BAZ2B: variants seen among roughly 807,000 people sequenced by gnomAD.
BAZ2B encodes bromodomain adjacent to zinc finger domain 2B.
BAZ2B carries 91 observed loss-of-function variants against 246.0 expected under a neutral mutation model. The observed-to-expected ratio is 0.37, with a 90% CI of 0.31 to 0.44. The LOEUF (loss-of-function observed/expected upper bound fraction) is 0.44. Ranked by LOEUF, BAZ2B falls within the 20% of genes least tolerant of loss-of-function variation. The pLI, the probability that BAZ2B is intolerant of heterozygous loss-of-function variation, is 1.00. For missense variants in BAZ2B, 2,332 were observed against 2,533.7 expected (o/e 0.92, Z 1.71); for synonymous variants, 855 against 860.0 (o/e 0.99, Z 0.10).
intron 16 of BAZ2B, among the ~76,000 whole-genome samples, chr2:159,401,569 T>C (rs1424711880): frequency 1.3e-5 from 2 of 152,178 alleles, no homozygotes; most frequent in Non-Finnish European, 2.9e-5. Flanking sequence ...AATTAGCCCA[T>C]TTCAGAAATA....
intron 31 of BAZ2B, among the ~76,000 whole-genome samples, chr2:159,341,323 AAG>A (rs2066672668): frequency 1.3e-5 from 2 of 152,226 alleles, no homozygotes; most frequent in African/African-American, 4.8e-5. Flanking sequence ...TCAATTCAAC[AAG>A]AGAATACAAT....
the BAZ2B span, among the ~76,000 whole-genome samples, chr2:159,688,907 T>C: frequency 6.6e-6 from 1 of 152,226 alleles, no homozygotes; most frequent in East Asian, 1.9e-4. Context: ...ATGCTATTGG[T>C]CCCACTACTG....
Position 159,349,070 on chromosome 2 carries a change from G to C in BAZ2B, c.5074C>G (p.Gln1692Glu). ...TTTGCTACTTCAACAGCTGCAGGTT[G>C]AGCTGAAGTGGCCTTTTCATTCTGT... The part of the protein sequence containing the change: ...VPQNEKATSA[Q>E]PAAVEVAKPV... The change falls in exon 29 of 37, where the codon CAA (glutamine) becomes GAA (glutamate). Residue 1692 changes from glutamine (Q) to glutamate (E), a missense_variant. Gln to Glu is a conservative substitution (Grantham distance 29, BLOSUM62 2). Coordinates refer to ENST00000392783, the MANE Select transcript of BAZ2B (RefSeq NM_013450.4). 6 of 1,614,146 alleles carry C rather than the reference G, an allele frequency of 3.7e-6. No homozygotes were observed. The East Asian group carries it at 1.3e-4, about 36-fold the overall frequency.
At chr2:159,665,136 A>C in the BAZ2B span, among the ~76,000 whole-genome samples, 122 of 117,918 alleles carry the variant, frequency 1.0e-3, no homozygotes, top group Middle Eastern at 3.6e-3. Context: ...TAGGAATCCA[A>C]CTTACAAGGG....
rs2064481417 is a variant in BAZ2B at position 159,398,814 on chromosome 2, C to T, written c.2964+15G>A. ...TTTTTCAAAAATAAAAACTCTGATT[C>T]TCATCTAAACTAACCTTTATTCGTT... On this transcript the variant is annotated intron_variant, in intron 18 of 36. Transcript: ENST00000392783. The T allele has an allele frequency of 1.2e-6, 2 of 1,602,010 alleles. No homozygotes were observed. The highest frequency in any genetic ancestry group is 1.7e-6 in the Non-Finnish European group (2 of 1,175,034).
At chr2:159,430,805 A>G in intron 10 of BAZ2B, 58 bp downstream of exon 10, 2 of 1,549,282 alleles carry the variant, frequency 1.3e-6, no homozygotes, top group Non-Finnish European at 1.7e-6. Context: ...CTTATCAATA[A>G]AAATTCTTGC....
chr2:159,662,275 T>C, the BAZ2B span, among the ~76,000 whole-genome samples: 1 of 152,250 alleles, frequency 6.6e-6, no homozygotes. Flanking sequence ...TTTTGGCAAT[T>C]GTATATAGTA....
At chr2:159,641,972 T>C in the BAZ2B span, among the ~76,000 whole-genome samples, 2 of 152,178 alleles carry the variant, frequency 1.3e-5, no homozygotes, top group East Asian at 3.8e-4. Context: ...CAGTGAAGCA[T>C]TAATCTACTT....
chr2:159,376,695 T>C (rs1486147792), intron 25 of BAZ2B, among the ~76,000 whole-genome samples: 1 of 152,172 alleles, frequency 6.6e-6, no homozygotes, highest in African/African-American at 2.4e-5. Flanking sequence ...TCAATAAATA[T>C]TCAAAATAGA....
At chr2:159,595,658 T>C (rs1268982710) in intron 1 of BAZ2B, among the ~76,000 whole-genome samples, 2 of 152,276 alleles carry the variant, frequency 1.3e-5, no homozygotes, top group Admixed American at 1.3e-4. Context: ...AAATCTGTTA[T>C]GTAAGTTTAG....
the BAZ2B span, chr2:159,695,086 T>C: frequency 2.0e-5 from 3 of 152,234 alleles, no homozygotes; most frequent in African/African-American, 4.8e-5. Context: ...GCTGAGCATA[T>C]ATTTATTGTC....
At chr2:159,707,856 T>C in the BAZ2B span, among the ~76,000 whole-genome samples, 1 of 151,488 alleles carries the variant, frequency 6.6e-6, no homozygotes, top group Non-Finnish European at 1.5e-5. Context: ...CCGGGAGTGG[T>C]GGCAGGCACC....
chr2:159,654,004 AAG>A, the BAZ2B span, among the ~76,000 whole-genome samples: 1 of 152,220 alleles, frequency 6.6e-6, no homozygotes, highest in Non-Finnish European at 1.5e-5. Context: ...ACCCCCAAAA[AAG>A]AGTACAGGAG....
chr2:159,426,908 C>T (rs1384038104), intron 13 of BAZ2B, among the ~76,000 whole-genome samples: 1 of 151,876 alleles, frequency 6.6e-6, no homozygotes, highest in African/African-American at 2.4e-5. Context: ...ATATTAATTG[C>T]CAAAAAACTT....
intron 20 of BAZ2B, among the ~76,000 whole-genome samples, chr2:159,391,367 G>A (rs1463682634): frequency 6.6e-6 from 1 of 152,130 alleles, no homozygotes; most frequent in African/African-American, 2.4e-5. Context: ...TCTGCACAAT[G>A]ATGAAACTGA....
At chr2:159,416,312 G>T (rs1180065013) in intron 13 of BAZ2B, among the ~76,000 whole-genome samples, 2 of 152,138 alleles carry the variant, frequency 1.3e-5, no homozygotes, top group Non-Finnish European at 2.9e-5. Context: ...AACAATAGTT[G>T]TACAAAGTGT....
intron 14 of BAZ2B, among the ~76,000 whole-genome samples, chr2:159,407,251 C>G (rs2066097409): frequency 6.6e-6 from 1 of 151,812 alleles, no homozygotes; most frequent in African/African-American, 2.4e-5. Context: ...GTAGGTGGAT[C>G]ACTTGAGGTC....
intron 2 of BAZ2B, among the ~76,000 whole-genome samples, chr2:159,554,917 G>T (rs1578330024): frequency 6.6e-6 from 1 of 151,852 alleles, no homozygotes; most frequent in East Asian, 1.9e-4. Flanking sequence ...AAATTAAAAA[G>T]TATCAGTTAC....
intron 27 of BAZ2B, among the ~76,000 whole-genome samples, chr2:159,352,783 G>T (rs2058697643): frequency 6.6e-6 from 1 of 152,186 alleles, no homozygotes; most frequent in Non-Finnish European, 1.5e-5. Flanking sequence ...ACTGTGCCCG[G>T]TCAATGTCTG....
Sources: gnomAD v4.1 joint callset for allele counts (sites outside exome capture counted in the v4.1 genomes callset) on GRCh38, gnomAD v4.1.1 for gene constraint, MANE v1.5 for transcripts, NCBI Gene and HGNC (gene_info 2026-07-23, HGNC 2026-07-21) for gene names.